The following DAB2IP variants were observed in gnomAD, a reference collection of about 807,000 sequenced individuals.
DAB2IP encodes disabled homolog 2-interacting protein.
In DAB2IP, 28 loss-of-function variants were observed where a neutral mutation model predicts 107.2. The ratio of observed to expected loss-of-function variants is 0.26; its 90% CI spans 0.19 to 0.36. The LOEUF is 0.36. Among genes scored for constraint, DAB2IP ranks in the 10% least tolerant of loss-of-function variants. DAB2IP has a pLI of 1.00. For missense variants in DAB2IP, 1,400 were observed against 1,644.7 expected (o/e 0.85, Z 2.57); for synonymous variants, 755 against 706.4 (o/e 1.07, Z -1.09).
At chr9:121,576,758 G>T (rs111460027) in intron 1 of DAB2IP, among the ~76,000 whole-genome samples, 2,208 of 152,284 alleles carry the variant, frequency 0.014, 50 homozygotes, top group African/African-American at 0.048. Context: ...AGATTCTGGG[G>T]GGGGAGGGGA....
intron 1 of DAB2IP, among the ~76,000 whole-genome samples, chr9:121,620,454 A>G (rs1203153954): frequency 1.3e-5 from 2 of 152,222 alleles, no homozygotes; most frequent in Non-Finnish European, 2.9e-5. Context: ...CTGCTGAGTA[A>G]CTGAGCTGCT....
At chr9:121,774,383 A>T in exon 13 of DAB2IP, 1 of 1,611,992 alleles carries the variant, frequency 6.2e-7, no homozygotes, top group Admixed American at 1.7e-5. Flanking sequence ...TAGGCTAAGG[A>T]GTAAGGACGA....
chr9:121,737,262 C>T lies in DAB2IP; in HGVS notation c.363-19751C>T. ...CGATAGTTTGCTTTCAGGAGTGTTT[C>T]TCGTCTTCTTGGACCTGGAGGTTGT... is the stretch of plus-strand genomic sequence containing the variant. On this transcript the variant is annotated intron_variant, in intron 3 of 15. Transcript: ENST00000408936. The T allele has an allele frequency of 7.1e-6, 7 of 985,434 alleles. No homozygotes were observed. The South Asian group carries it at 1.9e-4, about 26-fold the overall frequency. The allele number at this position is 985,434 out of a possible 1,614,324, so 61.0% of individuals were successfully genotyped here.
At position 121,770,741 on chromosome 9, in the gene DAB2IP, A is replaced by G; in HGVS notation, c.2078+17A>G. On this transcript the variant is annotated intron_variant, in intron 11 of 15. Transcript: ENST00000408936. ...TCTTTCCGGGTAAGAGCTGCCAGCC[A>G]TGTTGGGTGTGGTGGGTGCGTGTGC... is the stretch of plus-strand genomic sequence containing the variant. 3 of 1,612,574 alleles carry G rather than the reference A, an allele frequency of 1.9e-6. No homozygotes were observed. Among genetic ancestry groups the G allele is most frequent in the Non-Finnish European group, 2.5e-6 (3 of 1,179,066 alleles).
At position 121,763,364 on chromosome 9, in the gene DAB2IP, A is replaced by G. The variant is rs143722365; in HGVS notation, c.1171-141A>G. The G allele has an allele frequency of 3.7e-4, 462 of 1,237,140 alleles. 1 individual carries two copies. In the East Asian group the frequency reaches 9.2e-3, roughly 25 times the overall value. The allele number at this position is 1,237,140 out of a possible 1,614,324, so 76.6% of individuals were successfully genotyped here. On this transcript the variant is annotated intron_variant, in intron 6 of 15. Coordinates refer to ENST00000408936, the Ensembl canonical transcript of DAB2IP. ...CCCAGCAGCCCCCAAAGGTGGGCAC[A>G]CTGTTCCTCTCCGGGACCCCCGCAG... is the stretch of plus-strand genomic sequence containing the variant.
chr9:121,708,073 C>T, intron 3 of DAB2IP, among the ~76,000 whole-genome samples: 1 of 152,220 alleles, frequency 6.6e-6, no homozygotes, highest in Non-Finnish European at 1.5e-5. Context: ...GAATTATACC[C>T]TCTGGGTGGG....
chr9:121,674,030 G>A (rs7857160), intron 1 of DAB2IP, among the ~76,000 whole-genome samples: 5,397 of 152,324 alleles, frequency 0.035, 332 homozygotes, highest in African/African-American at 0.12. Flanking sequence ...GGCAGGCCTC[G>A]GGAACCACGG....
chr9:121,664,275 T>C (rs1382769972), intron 1 of DAB2IP, among the ~76,000 whole-genome samples: 1 of 152,238 alleles, frequency 6.6e-6, no homozygotes, highest in Admixed American at 6.5e-5. Flanking sequence ...CTACACTGTT[T>C]TGTAAATTAG....
At chr9:121,586,066 C>T (rs1830305499) in intron 1 of DAB2IP, among the ~76,000 whole-genome samples, 1 of 152,112 alleles carries the variant, frequency 6.6e-6, no homozygotes, top group African/African-American at 2.4e-5. Context: ...CCCTAGATGA[C>T]TTTGGGTGAT....
chr9:121,782,759 G>A lies in DAB2IP; in HGVS notation c.*261G>A. ...CGCTGGGGAGTGGGGACAGCCTGAT[G>A]GGGCAGGGGGCCTGCCAAAAATATG... is the stretch of plus-strand genomic sequence containing the variant. On this transcript the variant is annotated 3_prime_UTR_variant, in exon 16 of 16. Transcript: ENST00000408936. The surrounding 1 kb of genome is among the most constrained non-coding windows in gnomAD (Gnocchi z 6.1). The A allele has an allele frequency of 7.5e-7, 1 of 1,333,462 alleles. No homozygotes were observed. The highest frequency in any genetic ancestry group is 9.6e-7 in the Non-Finnish European group (1 of 1,041,090). The allele number at this position is 1,333,462 out of a possible 1,614,324, so 82.6% of individuals were successfully genotyped here. A position where few individuals can be genotyped will look rare whatever the true frequency, so the allele number is the denominator to read the frequency against.
In DAB2IP at chr9:121,634,668, C is replaced by T. The variant is rs890316978; in HGVS notation, c.41-44010C>T. Among the ~76,000 whole-genome samples the T allele has an allele frequency of 6.6e-6, 1 of 152,180 alleles. No individual in the cohort carries two copies. The highest frequency in any genetic ancestry group is 1.5e-5 in the Non-Finnish European group (1 of 68,032). On this transcript the variant is annotated intron_variant, in intron 1 of 16. Transcript: ENST00000259371. The surrounding 1 kb of genome is among the most constrained non-coding windows in gnomAD (Gnocchi z 4.7). ...CTCGTGGGAGTGTGGAAGAGGAGCA[C>T]CTTTCTCTGGGGAGAGCACTTCCGG...
intron 3 of DAB2IP, among the ~76,000 whole-genome samples, chr9:121,738,725 C>T (rs527637559): frequency 6.6e-6 from 1 of 152,228 alleles, no homozygotes; most frequent in Non-Finnish European, 1.5e-5. Context: ...CATTCAAGAC[C>T]TGGCTCTTGA....
intron 3 of DAB2IP, among the ~76,000 whole-genome samples, chr9:121,727,665 G>T (rs966091807): frequency 1.3e-5 from 2 of 152,240 alleles, no homozygotes; most frequent in Non-Finnish European, 2.9e-5. Flanking sequence ...TTGGCCCAAA[G>T]AAATGGTGAG....
intron 1 of DAB2IP, among the ~76,000 whole-genome samples, chr9:121,642,491 T>C (rs1564129306): frequency 2.2e-5 from 2 of 89,212 alleles, no homozygotes; most frequent in African/African-American, 5.9e-5. Context: ...TTTTTTTCTT[T>C]TTTTTTTTTT....
intron 3 of DAB2IP, among the ~76,000 whole-genome samples, chr9:121,741,135 C>T (rs1832310715): frequency 6.6e-6 from 1 of 152,222 alleles, no homozygotes; most frequent in East Asian, 1.9e-4. Flanking sequence ...GACACCCCCT[C>T]CTCTCCCCAC....
At chr9:121,704,510 A>G (rs893491363) in intron 3 of DAB2IP, among the ~76,000 whole-genome samples, 3 of 152,158 alleles carry the variant, frequency 2.0e-5, no homozygotes, top group East Asian at 1.9e-4. Context: ...TGTTCTGACA[A>G]GCCTCTTGCA....
At chr9:121,774,447 G>C (rs1265664608) in intron 13 of DAB2IP, 35 bp downstream of exon 13, 1 of 1,558,748 alleles carries the variant, frequency 6.4e-7, no homozygotes, top group Non-Finnish European at 8.7e-7. Flanking sequence ...GGACAGGGCG[G>C]GGCTGCCTCC....
At chr9:121,640,882 G>T (rs1258810416) in intron 1 of DAB2IP, among the ~76,000 whole-genome samples, 1 of 152,178 alleles carries the variant, frequency 6.6e-6, no homozygotes, top group Non-Finnish European at 1.5e-5. Context: ...ACTTTCTCAG[G>T]GCAATGGGGG....
intron 3 of DAB2IP, among the ~76,000 whole-genome samples, chr9:121,755,382 C>A (rs1276013107): frequency 6.6e-6 from 1 of 152,216 alleles, no homozygotes; most frequent in African/African-American, 2.4e-5. Context: ...AGGTGGGAGT[C>A]CTTGTGGGAG....
Sources: allele counts gnomAD v4.1 joint callset (sites outside exome capture counted in the v4.1 genomes callset), GRCh38; gene constraint gnomAD v4.1.1; non-coding constraint Gnocchi (gnomAD v3.1); transcripts MANE v1.5; gene names NCBI Gene and HGNC (gene_info 2026-07-23, HGNC 2026-07-21).